Variants in STIM1 observed in about 807,000 individuals in gnomAD.
The protein encoded by STIM1 is stromal interaction molecule 1.
Under a neutral mutation model 74.7 loss-of-function variants are expected in STIM1, and 25 were observed. The observed-to-expected ratio is 0.33, with a 90% CI of 0.24 to 0.47. The LOEUF (loss-of-function observed/expected upper bound fraction) is 0.47, where lower values mean the gene tolerates loss of function less well. Among genes scored for constraint, STIM1 ranks in the 20% least tolerant of loss-of-function variants. The pLI is 1.00. For missense variants in STIM1, 728 were observed against 920.8 expected (o/e 0.79, Z 2.71); for synonymous variants, 328 against 348.8 (o/e 0.94, Z 0.66).
intron 1 of STIM1, among the ~76,000 whole-genome samples, chr11:3,898,761 A>G (rs1477629328): frequency 6.7e-6 from 1 of 149,802 alleles, no homozygotes; most frequent in Non-Finnish European, 1.5e-5. Flanking sequence ...AGCACCATTT[A>G]TTAAATAGGG....
chr11:3,969,455 C>T (rs922742355), intron 2 of STIM1, among the ~76,000 whole-genome samples: 1 of 152,162 alleles, frequency 6.6e-6, no homozygotes, highest in Non-Finnish European at 1.5e-5. Flanking sequence ...GCACTCCAGC[C>T]TGGGCAACAG....
intron 1 of STIM1, among the ~76,000 whole-genome samples, chr11:3,963,693 A>T (rs1203130904): frequency 1.3e-5 from 2 of 152,250 alleles, no homozygotes; most frequent in Non-Finnish European, 2.9e-5. Context: ...TGTTGGGGAC[A>T]TGGTACCAAT....
At chr11:4,036,247 A>C (rs1357635546) in intron 3 of STIM1, among the ~76,000 whole-genome samples, 3 of 152,150 alleles carry the variant, frequency 2.0e-5, no homozygotes, top group East Asian at 1.9e-4. Context: ...TTCTTTATGC[A>C]GTCTTTCATT....
Position 4,070,008 on chromosome 11 carries a change from C to T in STIM1, c.614-18C>T. On this transcript the variant is annotated intron_variant, in intron 5 of 12. Transcript: ENST00000526596. ...GCAGTGGGCACCCTAACTCATCATGCCCTCCCCTCTCTGGCAGTGACTCGC... is the reference window on the plus strand; with the variant it reads ...GCAGTGGGCACCCTAACTCATCATGTCCTCCCCTCTCTGGCAGTGACTCGC... The T allele has an allele frequency of 6.2e-7, 1 of 1,613,654 alleles. No individual in the cohort carries two copies. The highest frequency in any genetic ancestry group is 1.3e-5 in the African/African-American group (1 of 75,016).
At chr11:3,888,971 T>G (rs2091816365) in intron 1 of STIM1, among the ~76,000 whole-genome samples, 1 of 151,824 alleles carries the variant, frequency 6.6e-6, no homozygotes, top group Non-Finnish European at 1.5e-5. Flanking sequence ...ATAGATCTGC[T>G]GCTGTCCAGA....
At chr11:3,861,081 G>A (rs1460459614) in intron 1 of STIM1, among the ~76,000 whole-genome samples, 1 of 152,130 alleles carries the variant, frequency 6.6e-6, no homozygotes, top group Non-Finnish European at 1.5e-5. Flanking sequence ...CTGACTTGGG[G>A]AGGTTGGAGG....
intron 11 of STIM1, 108 bp downstream of exon 11, chr11:4,084,873 C>T (rs2094484193): frequency 1.2e-6 from 1 of 818,698 alleles, no homozygotes; most frequent in South Asian, 1.4e-5. Flanking sequence ...CCTGCCTGCT[C>T]CCTCTATCCC....
intron 5 of STIM1, among the ~76,000 whole-genome samples, chr11:4,064,692 G>A (rs1429401969): frequency 4.6e-5 from 7 of 152,302 alleles, no homozygotes; most frequent in Non-Finnish European, 2.9e-5. Flanking sequence ...GAGGGAAGAG[G>A]GAAGAGGGAT....
intron 2 of STIM1, among the ~76,000 whole-genome samples, chr11:4,000,435 C>T (rs981992728): frequency 4.6e-5 from 7 of 151,908 alleles, no homozygotes; most frequent in African/African-American, 1.5e-4. Flanking sequence ...CATGAAAATC[C>T]GTGGTTCTGC....
At chr11:4,024,426 A>C (rs1342258344) in intron 3 of STIM1, among the ~76,000 whole-genome samples, 1 of 152,180 alleles carries the variant, frequency 6.6e-6, no homozygotes, top group East Asian at 1.9e-4. Context: ...CTTCTATACC[A>C]TCTTGATTGA....
At chr11:4,030,915 A>G (rs528876367) in intron 3 of STIM1, among the ~76,000 whole-genome samples, 1 of 152,214 alleles carries the variant, frequency 6.6e-6, no homozygotes, top group African/African-American at 2.4e-5. Context: ...TTGAGTTGCA[A>G]TTGACATACA....
intron 1 of STIM1, among the ~76,000 whole-genome samples, chr11:3,894,441 G>C (rs2135391477): frequency 6.6e-6 from 1 of 152,246 alleles, no homozygotes; most frequent in East Asian, 1.9e-4. Flanking sequence ...CAAAGGAAGT[G>C]GTTAAGTCCC....
intron 2 of STIM1, among the ~76,000 whole-genome samples, chr11:3,992,103 T>G (rs1234598226): frequency 7.2e-6 from 1 of 138,778 alleles, no homozygotes; most frequent in Middle Eastern, 3.5e-3. Flanking sequence ...TTTTTTTTTT[T>G]TTTTTTTTAG....
At chr11:4,015,024 T>C (rs2093882024) in intron 2 of STIM1, among the ~76,000 whole-genome samples, 1 of 152,264 alleles carries the variant, frequency 6.6e-6, no homozygotes, top group Admixed American at 6.5e-5. Flanking sequence ...CTGTGTCTTT[T>C]AATTGGGGCA....
intron 3 of STIM1, among the ~76,000 whole-genome samples, chr11:4,046,077 T>TG (rs2094190774): frequency 7.9e-6 from 1 of 127,264 alleles, no homozygotes. Flanking sequence ...TTTTTTTTTT[T>TG]TTTTTTTGAG....
intron 2 of STIM1, among the ~76,000 whole-genome samples, chr11:3,998,919 T>A (rs2093686464): frequency 6.6e-6 from 1 of 152,236 alleles, no homozygotes; most frequent in Non-Finnish European, 1.5e-5. Context: ...CTGTAAAGGA[T>A]TAGATAGTAA....
intron 1 of STIM1, among the ~76,000 whole-genome samples, chr11:3,909,918 G>C (rs1373189906): frequency 6.6e-6 from 1 of 152,164 alleles, no homozygotes; most frequent in Non-Finnish European, 1.5e-5. Flanking sequence ...ACTGGAATCA[G>C]AGCCGTTCCG....
intron 2 of STIM1, among the ~76,000 whole-genome samples, chr11:4,004,237 C>G (rs1458998445): frequency 6.6e-6 from 1 of 151,876 alleles, no homozygotes; most frequent in East Asian, 1.9e-4. Flanking sequence ...TTGGAAAAAA[C>G]TAAAGTTCAT....
chr11:3,915,290 A>G (rs1017548959), intron 1 of STIM1, among the ~76,000 whole-genome samples: 1 of 152,076 alleles, frequency 6.6e-6, no homozygotes, highest in Non-Finnish European at 1.5e-5. Context: ...AGATTTTGCT[A>G]TGTTGCCCAG....
Sources: gnomAD v4.1 joint callset for allele counts (sites outside exome capture counted in the v4.1 genomes callset) on GRCh38, gnomAD v4.1.1 for gene constraint, MANE v1.5 for transcripts, NCBI Gene and HGNC (gene_info 2026-07-23, HGNC 2026-07-21) for gene names.